Variants in PTPRO observed in about 807,000 individuals in gnomAD.
PTPRO encodes the protein receptor-type tyrosine-protein phosphatase O.
PTPRO carries 62 observed loss-of-function variants against 145.2 expected under a neutral mutation model. That is an observed-to-expected ratio of 0.43 (90% confidence interval 0.35 to 0.53). The LOEUF (loss-of-function observed/expected upper bound fraction) is 0.53, where lower values mean the gene tolerates loss of function less well. Among genes scored for constraint, PTPRO ranks in the 20% least tolerant of loss-of-function variants. The probability of loss-of-function intolerance (pLI) is 0.01; values close to 1 mark genes in which losing one functional copy is unlikely to be tolerated. For missense variants in PTPRO, 1,345 were observed against 1,482.7 expected (o/e 0.91, Z 1.53); for synonymous variants, 565 against 514.7 (o/e 1.10, Z -1.32).
intron 24 of PTPRO, among the ~76,000 whole-genome samples, chr12:15,587,988 T>C (rs1445817918): frequency 6.6e-6 from 1 of 152,176 alleles, no homozygotes; most frequent in Non-Finnish European, 1.5e-5. Flanking sequence ...GAAAGGAAAA[T>C]GCTTCATAAG....
At chr12:15,388,748 T>C (rs910752512) in intron 1 of PTPRO, among the ~76,000 whole-genome samples, 2 of 152,220 alleles carry the variant, frequency 1.3e-5, no homozygotes, top group Admixed American at 1.3e-4. Context: ...AAAGAAAATC[T>C]TTTCTAGTGA....
chr12:15,465,757 T>C (rs1941401476), intron 1 of PTPRO, among the ~76,000 whole-genome samples: 1 of 152,244 alleles, frequency 6.6e-6, no homozygotes, highest in Non-Finnish European at 1.5e-5. Flanking sequence ...ACTGGGGAGT[T>C]TGGCTATTTA....
intron 9 of PTPRO, among the ~76,000 whole-genome samples, chr12:15,518,175 C>T (rs962471089): frequency 3.9e-5 from 6 of 152,240 alleles, no homozygotes; most frequent in African/African-American, 4.8e-5. Flanking sequence ...CTCAACACCA[C>T]GTGGAAGCTG....
intron 1 of PTPRO, among the ~76,000 whole-genome samples, chr12:15,384,757 A>G (rs1304722645): frequency 1.3e-5 from 2 of 152,226 alleles, no homozygotes; most frequent in Non-Finnish European, 2.9e-5. Flanking sequence ...TTAATACAAT[A>G]AAGAATTTGA....
rs11056490 is a variant in PTPRO at position 15,440,002 on chromosome 12, C to T, written c.76-43972C>T. 6.8e-3 allele frequency: 4,619 copies of T among 681,892 alleles called. 260 individuals are homozygous for T. In the East Asian group the frequency reaches 0.11, roughly 16 times the overall value. The allele number at this position is 681,892 out of a possible 1,614,324, so 42.2% of individuals were successfully genotyped here. On this transcript the variant is annotated intron_variant, in intron 1 of 26. Transcript: ENST00000281171. ...GCGGGGCCATCATCCTGGCCAAGCT[C>T]TCCATTGTCCCTGTGTGCAGAGGCT...
chr12:15,367,289 T>C (rs1938392050), intron 1 of PTPRO, among the ~76,000 whole-genome samples: 1 of 152,090 alleles, frequency 6.6e-6, no homozygotes, highest in Non-Finnish European at 1.5e-5. Context: ...AAATCCCCAG[T>C]CTAGGATGAC....
At chr12:15,345,760 G>T (rs1433667232) in intron 1 of PTPRO, among the ~76,000 whole-genome samples, 2 of 152,060 alleles carry the variant, frequency 1.3e-5, no homozygotes, top group East Asian at 3.9e-4. Flanking sequence ...AATAATAAAA[G>T]ATACTGTCTG....
At position 15,597,568 on chromosome 12, in the gene PTPRO, A is replaced by G. The variant is rs892835551; in HGVS notation, c.*1495A>G. On this transcript the variant is annotated 3_prime_UTR_variant, in exon 27 of 27. Coordinates refer to ENST00000281171, the MANE Select transcript of PTPRO (RefSeq NM_030667.3). ...ACCTTAGTGTTGGTGAAGGATGCCA[A>G]ATGAACAGCTCTGCACCCCACCGTC... 1.3e-5 allele frequency among the ~76,000 whole-genome samples: 2 copies of G among 152,142 alleles called. No homozygotes were observed. The highest frequency in any genetic ancestry group is 4.8e-5 in the African/African-American group (2 of 41,434).
chr12:15,406,241 TC>T (rs1260767027), intron 1 of PTPRO, among the ~76,000 whole-genome samples: 2 of 152,196 alleles, frequency 1.3e-5, no homozygotes, highest in African/African-American at 4.8e-5. Flanking sequence ...GCTGGCCACT[TC>T]TGTGTATGCG....
chr12:15,495,518 T>C lies in PTPRO; in HGVS notation c.350-1727T>C, dbSNP rs1942081788. Among the ~76,000 whole-genome samples, 3 of 151,864 alleles carry C rather than the reference T, an allele frequency of 2.0e-5. No individual in the cohort carries two copies. In the South Asian group the frequency reaches 6.3e-4, roughly 32 times the overall value. On this transcript the variant is annotated intron_variant, in intron 2 of 26. Transcript: ENST00000281171. ...TCTTTAGGTCAGCCTATAGATGATG[T>C]CCAAGAATTCTCTCAATTCTAAAAG...
intron 26 of PTPRO, chr12:15,595,329 C>A: frequency 2.4e-6 from 1 of 413,152 alleles, no homozygotes; most frequent in Non-Finnish European, 4.6e-6. Context: ...CTACCCAGAA[C>A]CCTAAATTAT....
chr12:15,558,309 C>T (rs1290585000), intron 16 of PTPRO, among the ~76,000 whole-genome samples: 1 of 152,146 alleles, frequency 6.6e-6, no homozygotes, highest in African/African-American at 2.4e-5. Context: ...AGTTGTACAG[C>T]CCAGTATTCA....
At chr12:15,380,371 C>A (rs1026910254) in intron 1 of PTPRO, among the ~76,000 whole-genome samples, 1 of 151,538 alleles carries the variant, frequency 6.6e-6, no homozygotes, top group Non-Finnish European at 1.5e-5. Context: ...TATGTTTTTG[C>A]CAATGGAGGG....
At chr12:15,524,689 G>C (rs111358531) in intron 10 of PTPRO, 125 bp from the exon 11 acceptor site, 1 of 1,025,350 alleles carries the variant, frequency 9.8e-7, no homozygotes. Flanking sequence ...TGAAGTTACC[G>C]GGACTATCGT....
intron 1 of PTPRO, among the ~76,000 whole-genome samples, chr12:15,470,381 G>A (rs1456554818): frequency 2.0e-5 from 3 of 152,086 alleles, no homozygotes; most frequent in East Asian, 3.9e-4. Context: ...GTAACTTAAC[G>A]GAATGTTCTG....
intron 1 of PTPRO, among the ~76,000 whole-genome samples, chr12:15,482,082 A>T (rs1941789738): frequency 6.6e-6 from 1 of 152,122 alleles, no homozygotes. Flanking sequence ...TACTCTTCAC[A>T]GGAGGCAAGA....
intron 16 of PTPRO, 60 bp from the exon 17 acceptor site, chr12:15,560,109 ATTTACTGATATCTATTCACAGTTT>A: frequency 1.1e-6 from 1 of 940,666 alleles, no homozygotes; most frequent in Non-Finnish European, 1.7e-6. Flanking sequence ...CCAATAGGTA[ATTTACTGATATCTATTCACAGTTT>A]ATATTACTAA....
intron 9 of PTPRO, among the ~76,000 whole-genome samples, chr12:15,519,814 G>A (rs936077490): frequency 7.9e-5 from 12 of 152,300 alleles, no homozygotes; most frequent in Non-Finnish European, 1.3e-4. Flanking sequence ...AGACTCTGAA[G>A]GACTCCTGTT....
At chr12:15,413,428 A>AT (rs1413828060) in intron 1 of PTPRO, among the ~76,000 whole-genome samples, 1 of 152,172 alleles carries the variant, frequency 6.6e-6, no homozygotes, top group East Asian at 1.9e-4. Flanking sequence ...ATTGGGTGTG[A>AT]TTTATGTAGT....
Sources: allele counts gnomAD v4.1 joint callset (sites outside exome capture counted in the v4.1 genomes callset), GRCh38; gene constraint gnomAD v4.1.1; transcripts MANE v1.5; gene names NCBI Gene and HGNC (gene_info 2026-07-23, HGNC 2026-07-21).